Variants in SLC35F4 observed in about 807,000 individuals in gnomAD.
SLC35F4 encodes the protein chromosome 14 open reading frame 36.
SLC35F4 carries 24 observed loss-of-function variants against 44.2 expected under a neutral mutation model. The ratio of observed to expected loss-of-function variants is 0.54; its 90% CI spans 0.39 to 0.76. The LOEUF (loss-of-function observed/expected upper bound fraction) is 0.76. Ranked by LOEUF, SLC35F4 falls within the 30% of genes least tolerant of loss-of-function variation. SLC35F4 has a pLI of 0.00. For synonymous variants in SLC35F4, 238 were observed against 223.6 expected, an observed-to-expected ratio of 1.06 and a Z score of -0.57; for missense variants, 562 against 586.1, an observed-to-expected ratio of 0.96 and a Z score of 0.42.
chr14:57,871,292 C>A (rs1282177754), intron 1 of SLC35F4, among the ~76,000 whole-genome samples: 1 of 152,164 alleles, frequency 6.6e-6, no homozygotes, highest in Non-Finnish European at 1.5e-5. Context: ...CTGAGCTAAG[C>A]CAAAGATCTC....
chr14:57,932,504 A>G (rs1327585552), intron 1 of SLC35F4, among the ~76,000 whole-genome samples: 1 of 152,220 alleles, frequency 6.6e-6, no homozygotes, highest in Non-Finnish European at 1.5e-5. Flanking sequence ...AGGAGGTGAT[A>G]TGAATCATTC....
chr14:57,701,953 C>T (rs143854985), intron 1 of SLC35F4, among the ~76,000 whole-genome samples: 1 of 152,080 alleles, frequency 6.6e-6, no homozygotes, highest in African/African-American at 2.4e-5. Context: ...TTTCAATATT[C>T]TAGGAATGGG....
intron 1 of SLC35F4, among the ~76,000 whole-genome samples, chr14:57,945,439 A>AGTG (rs370009024): frequency 1.9e-5 from 2 of 104,690 alleles, no homozygotes; most frequent in African/African-American, 9.7e-5. Flanking sequence ...AGCAATGATA[A>AGTG]TGTGTGTGTG....
chr14:57,689,880 G>A (rs74575057), intron 1 of SLC35F4, among the ~76,000 whole-genome samples: 22,682 of 151,716 alleles, frequency 0.15, 1,922 homozygotes, highest in East Asian at 0.29. Context: ...AAAACTTAAA[G>A]TATAATAAAA....
At chr14:57,625,616 G>C (rs747126417) in intron 1 of SLC35F4, among the ~76,000 whole-genome samples, 25 of 152,080 alleles carry the variant, frequency 1.6e-4, no homozygotes, top group Non-Finnish European at 2.9e-4. Context: ...TAGACCAATG[G>C]AACAGAACAG....
At chr14:57,873,240 T>G (rs1050888761) in intron 1 of SLC35F4, among the ~76,000 whole-genome samples, 12 of 152,144 alleles carry the variant, frequency 7.9e-5, no homozygotes, top group Admixed American at 5.2e-4. Flanking sequence ...TTATAGTCTA[T>G]CTTGCTGGCA....
intron 1 of SLC35F4, among the ~76,000 whole-genome samples, chr14:57,788,689 G>A (rs540490183): frequency 2.0e-5 from 3 of 151,990 alleles, no homozygotes; most frequent in South Asian, 2.1e-4. Context: ...CAGGACTCTC[G>A]ACCCCAAATC....
intron 1 of SLC35F4, among the ~76,000 whole-genome samples, chr14:57,612,280 C>T (rs2071558902): frequency 6.6e-6 from 1 of 152,022 alleles, no homozygotes; most frequent in Non-Finnish European, 1.5e-5. Context: ...AAGGAGCTGG[C>T]ATTAGTGGGG....
At chr14:57,775,585 C>G (rs1566842573) in intron 1 of SLC35F4, among the ~76,000 whole-genome samples, 1 of 152,206 alleles carries the variant, frequency 6.6e-6, no homozygotes, top group Non-Finnish European at 1.5e-5. Flanking sequence ...GTCAACTGAA[C>G]CCATCTTATA....
chr14:57,936,607 G>A (rs1361190865), intron 1 of SLC35F4, among the ~76,000 whole-genome samples: 1 of 152,200 alleles, frequency 6.6e-6, no homozygotes, highest in Non-Finnish European at 1.5e-5. Flanking sequence ...AGTGGGTAGA[G>A]GGAGGTAGGC....
At chr14:57,973,658 C>T (rs115066798), downstream of SLC35F4, among the ~76,000 whole-genome samples, 2,378 of 152,202 alleles carry the variant, frequency 0.016, 69 homozygotes, top group African/African-American at 0.054. Context: ...AATTTAGGCT[C>T]TTTTGGTTGC....
At chr14:57,774,116 A>G (rs1262825055) in intron 1 of SLC35F4, among the ~76,000 whole-genome samples, 1 of 151,980 alleles carries the variant, frequency 6.6e-6, no homozygotes, top group Admixed American at 6.6e-5. Context: ...AGGGAAGGGG[A>G]CATAGGGATG....
At chr14:57,904,872 T>A (rs902357276) in intron 1 of SLC35F4, among the ~76,000 whole-genome samples, 3 of 152,176 alleles carry the variant, frequency 2.0e-5, no homozygotes, top group African/African-American at 4.8e-5. Flanking sequence ...TACTTCTCCA[T>A]GTAGCTTCAA....
At chr14:57,944,696 AAAGAAAGAAAGAAAG>A (rs1225758834) in intron 1 of SLC35F4, among the ~76,000 whole-genome samples, 1 of 16,466 alleles carries the variant, frequency 6.1e-5, no homozygotes, top group African/African-American at 1.5e-4. Context: ...GAAAGAAAGA[AAAGAAAGAAAGAAAG>A]AAAGAAAGAA....
At chr14:57,780,976 C>T (rs182824846) in intron 1 of SLC35F4, among the ~76,000 whole-genome samples, 1 of 152,232 alleles carries the variant, frequency 6.6e-6, no homozygotes, top group African/African-American at 2.4e-5. Flanking sequence ...GGAAGAAAAT[C>T]TAGGCAATAT....
At chr14:57,747,531 C>T (rs1475276442) in intron 1 of SLC35F4, among the ~76,000 whole-genome samples, 1 of 152,090 alleles carries the variant, frequency 6.6e-6, no homozygotes, top group African/African-American at 2.4e-5. Context: ...ATGTACCCAC[C>T]ATCCAGCTCC....
intron 1 of SLC35F4, among the ~76,000 whole-genome samples, chr14:57,600,309 G>A (rs1443818922): frequency 6.6e-6 from 1 of 152,166 alleles, no homozygotes; most frequent in Non-Finnish European, 1.5e-5. Context: ...AAATGCTGAA[G>A]ACAGAAATGT....
intron 1 of SLC35F4, among the ~76,000 whole-genome samples, chr14:57,888,370 C>T (rs1888695326): frequency 6.6e-6 from 1 of 152,184 alleles, no homozygotes; most frequent in Non-Finnish European, 1.5e-5. Context: ...AATCCCCTTC[C>T]ATGTTGGGAA....
intron 4 of SLC35F4, among the ~76,000 whole-genome samples, chr14:57,573,748 G>T (rs1252073601): frequency 6.6e-6 from 1 of 152,084 alleles, no homozygotes; most frequent in Non-Finnish European, 1.5e-5. Flanking sequence ...ATCCTGATTT[G>T]GTTTTGTGTT....
Sources: gnomAD v4.1 joint callset for allele counts (sites outside exome capture counted in the v4.1 genomes callset) on GRCh38, gnomAD v4.1.1 for gene constraint, MANE v1.5 for transcripts, NCBI Gene and HGNC (gene_info 2026-07-23, HGNC 2026-07-21) for gene names.